The following PLD5 variants were observed in gnomAD, a reference collection of about 807,000 sequenced individuals.
PLD5 encodes inactive phospholipase D5.
Under a neutral mutation model 61.1 loss-of-function variants are expected in PLD5, and 36 were observed. The observed-to-expected ratio is 0.59, with a 90% CI of 0.45 to 0.78. PLD5 has a LOEUF of 0.78. PLD5 is among the 30% of genes least tolerant of loss of function. The probability of loss-of-function intolerance (pLI) is 0.00; values close to 1 mark genes in which losing one functional copy is unlikely to be tolerated. For synonymous variants in PLD5, 243 were observed against 242.8 expected (o/e 1.00, Z -0.01); for missense variants, 515 against 644.4 (o/e 0.80, Z 2.17).
intron 4 of PLD5, among the ~76,000 whole-genome samples, chr1:242,263,689 T>G (rs2841935): frequency 1.3e-5 from 2 of 152,186 alleles, no homozygotes; most frequent in Non-Finnish European, 2.9e-5. Context: ...TTCAACAGAA[T>G]CTAAGTTGTA....
chr1:242,448,737 C>T (rs1400118923), intron 1 of PLD5, among the ~76,000 whole-genome samples: 1 of 152,158 alleles, frequency 6.6e-6, no homozygotes, highest in Admixed American at 6.5e-5. Context: ...CTCATCCTGG[C>T]AATGTTTGCT....
chr1:242,469,675 T>C (rs1667379790), intron 1 of PLD5, among the ~76,000 whole-genome samples: 1 of 152,172 alleles, frequency 6.6e-6, no homozygotes, highest in African/African-American at 2.4e-5. Flanking sequence ...TATGCCCAGC[T>C]AATTTTTAAA....
At chr1:242,354,704 T>C (rs1004143218) in intron 1 of PLD5, among the ~76,000 whole-genome samples, 2 of 152,054 alleles carry the variant, frequency 1.3e-5, no homozygotes, top group Admixed American at 6.6e-5. Flanking sequence ...CCTTGTCTTA[T>C]ACTGGATCTA....
chr1:242,377,017 T>C, intron 1 of PLD5: 1 of 1,611,822 alleles, frequency 6.2e-7, no homozygotes. Context: ...TCAAAAGTTT[T>C]TGCGCACACT....
chr1:242,380,158 C>T (rs1402869595), intron 1 of PLD5, among the ~76,000 whole-genome samples: 1 of 152,184 alleles, frequency 6.6e-6, no homozygotes, highest in African/African-American at 2.4e-5. Context: ...GGAAATTCTT[C>T]ACTTTTCATA....
intron 4 of PLD5, among the ~76,000 whole-genome samples, chr1:242,253,848 T>G (rs921504851): frequency 2.0e-5 from 3 of 152,222 alleles, no homozygotes; most frequent in Non-Finnish European, 2.9e-5. Flanking sequence ...ATTTTATGTG[T>G]TTAGATGGGT....
chr1:242,446,429 G>A (rs1558574048), intron 1 of PLD5, among the ~76,000 whole-genome samples: 1 of 151,872 alleles, frequency 6.6e-6, no homozygotes, highest in Non-Finnish European at 1.5e-5. Flanking sequence ...AAATCAGCTG[G>A]GTGTGGTGGT....
At position 242,164,085 on chromosome 1, in the gene PLD5, A is replaced by G. The variant is rs316849; in HGVS notation, c.736-39420T>C. ...GGATAAGTGACTATCTGTGAAAGTC[A>G]TTATCGTTATTTTTAAAGAGGCATT... is the stretch of plus-strand genomic sequence containing the variant. On this transcript the variant is annotated intron_variant, in intron 5 of 9. Coordinates refer to ENST00000536534, the MANE Select transcript of PLD5 (RefSeq NM_001372062.1). Among the ~76,000 whole-genome samples, 1,310 of 152,048 alleles carry G rather than the reference A, an allele frequency of 8.6e-3. 25 individuals are homozygous for G. The highest frequency in any genetic ancestry group is 0.03 in the African/African-American group (1,247 of 41,418).
intron 1 of PLD5, among the ~76,000 whole-genome samples, chr1:242,467,595 C>A (rs528584933): frequency 6.6e-6 from 1 of 152,250 alleles, no homozygotes; most frequent in Non-Finnish European, 1.5e-5. Context: ...GAAAATGGAG[C>A]TAGCAGAGTT....
intron 4 of PLD5, among the ~76,000 whole-genome samples, chr1:242,249,715 G>T (rs1323058779): frequency 6.6e-6 from 1 of 152,030 alleles, no homozygotes; most frequent in African/African-American, 2.4e-5. Context: ...CAAATGACCA[G>T]AAAAAATAAT....
chr1:242,272,276 G>A (rs1300514148), intron 3 of PLD5, among the ~76,000 whole-genome samples: 3 of 152,042 alleles, frequency 2.0e-5, no homozygotes, highest in Admixed American at 2.0e-4. Flanking sequence ...AAAATTAATA[G>A]AAATGCAATT....
intron 3 of PLD5, among the ~76,000 whole-genome samples, chr1:242,277,157 G>T (rs1674459412): frequency 6.6e-6 from 1 of 152,162 alleles, no homozygotes. Flanking sequence ...AGCAGTGTCT[G>T]GAAGAGCACA....
At chr1:242,347,634 G>A (rs1660212646) in intron 2 of PLD5, among the ~76,000 whole-genome samples, 1 of 152,202 alleles carries the variant, frequency 6.6e-6, no homozygotes, top group Admixed American at 6.5e-5. Flanking sequence ...CAAACTGTGT[G>A]CTAAACTGGG....
chr1:242,455,897 G>T (rs991321411), intron 1 of PLD5, among the ~76,000 whole-genome samples: 1 of 152,218 alleles, frequency 6.6e-6, no homozygotes, highest in African/African-American at 2.4e-5. Context: ...TACACCAGTT[G>T]TGGTGCGGGA....
At chr1:242,144,680 C>T (rs1371444318) in intron 5 of PLD5, among the ~76,000 whole-genome samples, 1 of 152,108 alleles carries the variant, frequency 6.6e-6, no homozygotes, top group East Asian at 1.9e-4. Context: ...ATTCAGGAGG[C>T]TGAGGCAGGA....
chr1:242,237,317 G>GGA (rs112860899), intron 4 of PLD5, among the ~76,000 whole-genome samples: 18 of 149,174 alleles, frequency 1.2e-4, no homozygotes, highest in African/African-American at 3.9e-4. Flanking sequence ...AATGAGTTAA[G>GGA]AAAAAAAAAA....
intron 5 of PLD5, among the ~76,000 whole-genome samples, chr1:242,202,082 C>T (rs1313836690): frequency 6.6e-6 from 1 of 151,590 alleles, no homozygotes; most frequent in East Asian, 1.9e-4. Context: ...AGGCATGTAG[C>T]ACACACCTGT....
intron 2 of PLD5, among the ~76,000 whole-genome samples, chr1:242,314,408 A>C (rs1676884161): frequency 1.3e-5 from 2 of 152,206 alleles, no homozygotes; most frequent in Non-Finnish European, 2.9e-5. Context: ...GAGTCAGCAC[A>C]AAGGGAAGAT....
intron 3 of PLD5, among the ~76,000 whole-genome samples, chr1:242,274,035 T>C (rs996911841): frequency 6.6e-6 from 1 of 152,092 alleles, no homozygotes; most frequent in African/African-American, 2.4e-5. Context: ...TTCTGTTTCT[T>C]AAACCAAAAA....
Sources: allele counts gnomAD v4.1 joint callset (sites outside exome capture counted in the v4.1 genomes callset), GRCh38; gene constraint gnomAD v4.1.1; transcripts MANE v1.5; gene names NCBI Gene and HGNC (gene_info 2026-07-23, HGNC 2026-07-21).